The following ZNF347 variants were observed in gnomAD, a reference collection of about 807,000 sequenced individuals.
ZNF347 encodes CTD-2620I22.7.
ZNF347 carries 19 observed loss-of-function variants against 12.9 expected under a neutral mutation model. The observed-to-expected ratio is 1.47, with a 90% CI of 1.03 to 2.16. The LOEUF (loss-of-function observed/expected upper bound fraction) is 2.16, where lower values mean the gene tolerates loss of function less well. ZNF347 is among the 30% of genes most tolerant of loss of function. ZNF347 has a pLI of 0.00. For missense variants in ZNF347, 1,005 were observed against 990.6 expected (o/e 1.01, Z -0.19); for synonymous variants, 328 against 340.6 (o/e 0.96, Z 0.41).
intron 1 of ZNF347, among the ~76,000 whole-genome samples, chr19:53,155,033 G>T (rs1398511707): frequency 6.6e-6 from 1 of 151,878 alleles, no homozygotes; most frequent in South Asian, 2.1e-4. Context: ...CGCCTCCCAG[G>T]TTCAAGCGAT....
At chr19:53,152,023 G>A (rs2090501417) in intron 2 of ZNF347, among the ~76,000 whole-genome samples, 1 of 143,640 alleles carries the variant, frequency 7.0e-6, no homozygotes, top group Admixed American at 7.3e-5. Context: ...AACCCGGGAG[G>A]CAGAGATTGC....
chr19:53,141,950 T>G lies in ZNF347; in HGVS notation c.878A>C (p.Glu293Ala). Residue 293 changes from glutamate to alanine, a missense_variant, in exon 5 of 5, where the codon GAG becomes GCG. Physicochemically the swap from Glu to Ala is moderately radical, Grantham distance 107 (BLOSUM62 -1). Transcript: ENST00000334197. ...HTKEKPYKCYECGKAFRTRSN... is the reference protein window; with the variant it reads ...HTKEKPYKCYACGKAFRTRSN... ...ACGTGTTCTAAAGGCTTTGCCACAC[T>G]CATAACATTTGTAAGGTTTCTCTTT... is the stretch of plus-strand genomic sequence containing the variant. 2 of 1,613,960 alleles carry G rather than the reference T, an allele frequency of 1.2e-6. No homozygotes were observed. Among genetic ancestry groups the G allele is most frequent in the Non-Finnish European group, 1.7e-6 (2 of 1,179,980 alleles).
At chr19:53,145,077 C>CCAACA (rs1354836022) in intron 4 of ZNF347, among the ~76,000 whole-genome samples, 5 of 151,806 alleles carry the variant, frequency 3.3e-5, no homozygotes, top group African/African-American at 1.2e-4. Flanking sequence ...GATCACCTGG[C>CCAACA]GTCAGGAGTT....
chr19:53,156,524 TGATA>T (rs1208669179), intron 1 of ZNF347, among the ~76,000 whole-genome samples: 1 of 152,238 alleles, frequency 6.6e-6, no homozygotes, highest in Non-Finnish European at 1.5e-5. Context: ...TTGAGTGACC[TGATA>T]AATACTGTGG....
chr19:53,154,353 G>A (rs1487699109), intron 1 of ZNF347, among the ~76,000 whole-genome samples: 2 of 152,032 alleles, frequency 1.3e-5, no homozygotes, highest in Admixed American at 1.3e-4. Flanking sequence ...GCCAGGCACG[G>A]TCACTCACGT....
In ZNF347 at chr19:53,141,095, A is replaced by C; in HGVS notation, c.1733T>G (p.Phe578Cys). The C allele has an allele frequency of 6.2e-7, 1 of 1,614,020 alleles. No individual in the cohort carries two copies. Among genetic ancestry groups the C allele is most frequent in the South Asian group, 1.1e-5 (1 of 91,076 alleles). Residue 578 changes from phenylalanine (F) to cysteine (C), a missense_variant, in exon 5 of 5, where the codon TTC becomes TGC. By Grantham distance (205) the Phe-to-Cys change is radical. Transcript: ENST00000334197. ...PYKCNECGKV[F>C]TQNSHLARHR... is the part of the protein sequence containing the mutation. The stretch of plus-strand genomic sequence containing the variant: ...TCTTGCAAGGTGTGAATTCTGAGTG[A>C]AGACCTTGCCACACTCATTACATTT...
At chr19:53,148,401 CT>C (rs1957851288) in intron 4 of ZNF347, among the ~76,000 whole-genome samples, 1 of 152,154 alleles carries the variant, frequency 6.6e-6, no homozygotes, top group Non-Finnish European at 1.5e-5. Flanking sequence ...ACAGCCCTCC[CT>C]GTGCCACACG....
At position 53,140,288 on chromosome 19, in the gene ZNF347, A is replaced by G; in HGVS notation, c.*20T>C. 2 of 1,522,544 alleles carry G rather than the reference A, an allele frequency of 1.3e-6. No individual in the cohort carries two copies. Among genetic ancestry groups the G allele is most frequent in the Non-Finnish European group, 1.8e-6 (2 of 1,137,498 alleles). The allele number at this position is 1,522,544 out of a possible 1,614,324, so 94.3% of individuals were successfully genotyped here. A position where few individuals can be genotyped will look rare whatever the true frequency, so the allele number is the denominator to read the frequency against. The stretch of plus-strand genomic sequence containing the variant: ...TCTAACTGCAAAAGTTACCACCTTC[A>G]TTTGTAAGGTTTCTCTCCACTATGA... On this transcript the variant is annotated 3_prime_UTR_variant, in exon 5 of 5. Coordinates refer to ENST00000334197, the MANE Select transcript of ZNF347 (RefSeq NM_032584.3).
intron 4 of ZNF347, 127 bp from the exon 5 acceptor site, chr19:53,142,683 T>A (rs920071551): frequency 2.9e-6 from 2 of 695,360 alleles, no homozygotes; most frequent in African/African-American, 3.6e-5. Context: ...TTAAACAGAT[T>A]TATGAAACTT....
At chr19:53,156,389 C>G (rs549283806) in intron 1 of ZNF347, among the ~76,000 whole-genome samples, 2 of 150,152 alleles carry the variant, frequency 1.3e-5, no homozygotes, top group South Asian at 4.2e-4. Context: ...GACAACAGAG[C>G]GAGACTGTTT....
chr19:53,141,156 T>G lies in ZNF347; in HGVS notation c.1672A>C (p.Thr558Pro). 1 of 1,608,828 alleles carries G rather than the reference T, an allele frequency of 6.2e-7. No homozygotes were observed. The highest frequency in any genetic ancestry group is 8.5e-7 in the Non-Finnish European group (1 of 1,175,928). Reference protein sequence around the residue: ...KAFSVYSSLTTHQVIHTGEKP... With the variant: ...KAFSVYSSLTPHQVIHTGEKP... ...TCTCCAGTATGGATGACCTGATGGG[T>G]AGTTAGGCTTGAATACACACTGAAG... The change falls in exon 5 of 5, where the codon ACC becomes CCC. Residue 558 changes from threonine (T) to proline (P), a missense_variant. Coordinates refer to ENST00000334197, the MANE Select transcript of ZNF347 (RefSeq NM_032584.3).
intron 3 of ZNF347, 171 bp downstream of exon 3, chr19:53,149,070 A>T (rs1331464808): frequency 2.2e-6 from 3 of 1,350,748 alleles, no homozygotes; most frequent in Non-Finnish European, 3.0e-6. Flanking sequence ...CTCCAGTGAC[A>T]TCAGGAAGAG....
rs528307147 is a variant in ZNF347 at position 53,144,786 on chromosome 19, C to T, written c.272-2230G>A. On this transcript the variant is annotated intron_variant, in intron 4 of 4. Coordinates refer to ENST00000334197, the MANE Select transcript of ZNF347 (RefSeq NM_032584.3). ...AAGTAGCTAAAATTACAGGTATGTT[C>T]CATGCCCTAACAGACGTTTACAGAC... Among the ~76,000 whole-genome samples, 3 of 152,220 alleles carry T rather than the reference C, an allele frequency of 2.0e-5. No individual in the cohort carries two copies. In the East Asian group the frequency reaches 5.8e-4, roughly 29 times the overall value.
intron 2 of ZNF347, among the ~76,000 whole-genome samples, chr19:53,150,745 C>T (rs1406488092): frequency 2.6e-5 from 4 of 152,130 alleles, no homozygotes; most frequent in African/African-American, 9.7e-5. Flanking sequence ...TATTTACTTA[C>T]TTACTTATTT....
Position 53,149,330 on chromosome 19 carries a change from GA to G in ZNF347, c.52del (p.Ser18LeufsTer19). Reference protein sequence around the residue: ...VTFRDVAIEFSQEEWTCLDPA... With the variant: ...VTFRDVAIEFXQEEWTCLDPA... ...GTCCAGGCATGTCCACTCCTCCTGAGAGAATTCTATAGCCACATCCCTGAAT... is the reference window on the plus strand; with the variant it reads ...GTCCAGGCATGTCCACTCCTCCTGAGGAATTCTATAGCCACATCCCTGAAT... On this transcript the variant is annotated frameshift_variant, in exon 3 of 5. Coordinates refer to ENST00000334197, the MANE Select transcript of ZNF347 (RefSeq NM_032584.3). LOFTEE classifies it high-confidence loss of function. 6.2e-7 allele frequency: 1 copy of G among 1,613,988 alleles called. No individual in the cohort carries two copies. Among genetic ancestry groups the G allele is most frequent in the South Asian group, 1.1e-5 (1 of 91,082 alleles).
rs752631573 is a variant in ZNF347 at position 53,140,468 on chromosome 19, T to A, written c.2360A>T (p.His787Leu). The stretch of plus-strand genomic sequence containing the variant: ...ACACTCATATGGTTTCTCTCCGGTA[T>A]GAATTCTCTGATGCCTTGCAAGTTT... ...TSKLARHQRIHTGEKPYECGK... is the reference protein window; with the variant it reads ...TSKLARHQRILTGEKPYECGK... Residue 787 changes from histidine to leucine, a missense_variant, in exon 5 of 5, where the codon CAT becomes CTT. Coordinates refer to ENST00000334197, the MANE Select transcript of ZNF347 (RefSeq NM_032584.3). The A allele has an allele frequency of 4.3e-6, 7 of 1,613,884 alleles. No individual in the cohort carries two copies. In the Admixed American group the frequency reaches 1.0e-4, roughly 23 times the overall value.
Position 53,135,537 on chromosome 19 carries a change from T to G in ZNF347, c.*4771A>C, listed in dbSNP as rs2090384398. ...ACAGGCGCCCGCCATCACACCCAGC[T>G]AATTTTTGTATTTTTAGTAGAGACG... On this transcript the variant is annotated 3_prime_UTR_variant, in exon 5 of 5. Transcript: ENST00000334197. The G allele has an allele frequency of 1.3e-5, 2 of 151,894 alleles. No individual in the cohort carries two copies. The highest frequency in any genetic ancestry group is 1.3e-4 in the Admixed American group (2 of 15,222). 9.4% of individuals were successfully genotyped at this position (151,894 alleles called of 1,614,324 possible). A position where few individuals can be genotyped will look rare whatever the true frequency, so the allele number is the denominator to read the frequency against.
Position 53,140,651 on chromosome 19 carries a change from G to A in ZNF347, c.2177C>T (p.Thr726Ile). ...KAFSVRSSLT[T>I]HQAIHTGKKP... is the part of the protein sequence containing the mutation. ...TTTTCCAGTATGGATTGCCTGATGG[G>A]TAGTTAGGCTTGAACGGACACTAAA... The change falls in exon 5 of 5, where the codon ACC (threonine) becomes ATC (isoleucine). Residue 726 changes from threonine to isoleucine, a missense_variant. Thr to Ile is a moderately conservative substitution (Grantham distance 89). Transcript: ENST00000334197. 1.2e-6 allele frequency: 2 copies of A among 1,613,544 alleles called. No homozygotes were observed. Among genetic ancestry groups the A allele is most frequent in the African/African-American group, 1.3e-5 (1 of 74,774 alleles).
Position 53,143,707 on chromosome 19 carries a change from T to C in ZNF347, c.272-1151A>G, listed in dbSNP as rs186970955. On this transcript the variant is annotated intron_variant, in intron 4 of 4. Transcript: ENST00000334197. The stretch of plus-strand genomic sequence containing the variant: ...AAACATACGTGTGCATGTGTCTTTA[T>C]AGCAGCATGATTTATAATCCTTTGG... Among the ~76,000 whole-genome samples the C allele has an allele frequency of 4.6e-5, 7 of 152,256 alleles. No individual in the cohort carries two copies. In the East Asian group the frequency reaches 7.7e-4, roughly 17 times the overall value.
Sources: allele counts gnomAD v4.1 joint callset (sites outside exome capture counted in the v4.1 genomes callset), GRCh38; gene constraint gnomAD v4.1.1; transcripts MANE v1.5; gene names NCBI Gene and HGNC (gene_info 2026-07-23, HGNC 2026-07-21).